The following TAFA2 variants were observed in gnomAD, a reference collection of about 807,000 sequenced individuals.
The protein encoded by TAFA2 is chemokine-like protein TAFA-2.
In TAFA2, 7 loss-of-function variants were observed where a neutral mutation model predicts 18.8. The ratio of observed to expected loss-of-function variants is 0.37; its 90% CI spans 0.21 to 0.70. The LOEUF is 0.70. Ranked by LOEUF, TAFA2 falls within the 30% of genes least tolerant of loss-of-function variation. TAFA2 has a pLI of 0.53. For missense variants in TAFA2, 122 were observed against 158.1 expected, an observed-to-expected ratio of 0.77 and a Z score of 1.23; for synonymous variants, 60 against 54.2, an observed-to-expected ratio of 1.11 and a Z score of -0.47.
intron 1 of TAFA2, among the ~76,000 whole-genome samples, chr12:61,961,117 C>T (rs1278556878): frequency 6.6e-6 from 1 of 151,808 alleles, no homozygotes; most frequent in Non-Finnish European, 1.5e-5. Context: ...AAAGTAGGCA[C>T]ATCTTACATG....
At chr12:62,026,552 T>A (rs1881316785) in intron 1 of TAFA2, among the ~76,000 whole-genome samples, 1 of 152,130 alleles carries the variant, frequency 6.6e-6, no homozygotes, top group African/African-American at 2.4e-5. Flanking sequence ...TACACTTCCT[T>A]GTTTTTCTCA....
intron 1 of TAFA2, among the ~76,000 whole-genome samples, chr12:61,975,434 T>C (rs1207273573): frequency 6.6e-6 from 1 of 151,660 alleles, no homozygotes; most frequent in African/African-American, 2.4e-5. Context: ...GTCTGGCTTA[T>C]TTCACTTAGC....
intron 1 of TAFA2, among the ~76,000 whole-genome samples, chr12:61,942,137 C>T (rs1163084840): frequency 3.3e-5 from 5 of 149,550 alleles, no homozygotes; most frequent in South Asian, 2.1e-4. Flanking sequence ...TCAAGTGGGT[C>T]CCTGACCCCT....
chr12:61,823,888 G>A (rs1245896547), intron 2 of TAFA2, among the ~76,000 whole-genome samples: 2 of 152,080 alleles, frequency 1.3e-5, no homozygotes, highest in African/African-American at 4.8e-5. Context: ...GAGACTTTAG[G>A]TAAGCCCCTA....
At chr12:61,726,101 A>G (rs920644903) in intron 4 of TAFA2, among the ~76,000 whole-genome samples, 1 of 151,484 alleles carries the variant, frequency 6.6e-6, no homozygotes, top group Non-Finnish European at 1.5e-5. Flanking sequence ...TTTTCTTTAC[A>G]TTGTTCTAAA....
chr12:62,183,634 T>C (rs1049324051), intron 1 of TAFA2, among the ~76,000 whole-genome samples: 5 of 152,146 alleles, frequency 3.3e-5, no homozygotes, highest in Admixed American at 2.0e-4. Context: ...ATCCACCTAC[T>C]TCGGCCTCCC....
At chr12:61,768,624 G>C (rs778727259) in intron 2 of TAFA2, among the ~76,000 whole-genome samples, 12 of 152,114 alleles carry the variant, frequency 7.9e-5, no homozygotes, top group Non-Finnish European at 1.5e-4. Context: ...TGAATTTAGA[G>C]AGCAAAGTGA....
At chr12:61,967,477 T>A (rs1025910323) in intron 1 of TAFA2, among the ~76,000 whole-genome samples, 4 of 151,890 alleles carry the variant, frequency 2.6e-5, no homozygotes, top group African/African-American at 9.7e-5. Flanking sequence ...AAGAACATGC[T>A]ACACTCCCAT....
intron 1 of TAFA2, among the ~76,000 whole-genome samples, chr12:61,937,874 A>G (rs1373568837): frequency 6.6e-6 from 1 of 152,150 alleles, no homozygotes; most frequent in Non-Finnish European, 1.5e-5. Flanking sequence ...AACCCACAAA[A>G]TGGGAAAGAA....
intron 1 of TAFA2, among the ~76,000 whole-genome samples, chr12:62,201,798 A>T (rs2062672130): frequency 6.6e-6 from 1 of 152,212 alleles, no homozygotes; most frequent in Non-Finnish European, 1.5e-5. Context: ...TGTCTGGAAT[A>T]GTTTCAGAAG....
At chr12:61,775,951 A>G (rs1870242970) in intron 2 of TAFA2, 1 of 229,190 alleles carries the variant, frequency 4.4e-6, no homozygotes, top group Non-Finnish European at 9.0e-6. Context: ...AAGAGGAGAG[A>G]CACCTGATGT....
Position 61,870,061 on chromosome 12 carries a change from T to C in TAFA2, c.-1-2635A>G, listed in dbSNP as rs1308734856. 4.6e-5 allele frequency among the ~76,000 whole-genome samples: 7 copies of C among 152,212 alleles called. No individual in the cohort carries two copies. In the South Asian group the frequency reaches 1.0e-3, roughly 23 times the overall value. ...ACTGACAGATGGTCAAACTGATAAC[T>C]AGACATATGGAAACAGAAGCACCCA... On this transcript the variant is annotated intron_variant, in intron 1 of 4. Transcript: ENST00000416284.
chr12:62,065,757 A>C (rs1313316252), intron 1 of TAFA2, among the ~76,000 whole-genome samples: 1 of 150,794 alleles, frequency 6.6e-6, no homozygotes, highest in Non-Finnish European at 1.5e-5. Flanking sequence ...GGTAGAACTA[A>C]AACTGAGTTC....
chr12:61,820,333 T>C (rs1054836096), intron 2 of TAFA2, among the ~76,000 whole-genome samples: 9 of 152,144 alleles, frequency 5.9e-5, no homozygotes, highest in African/African-American at 1.9e-4. Context: ...TCTCAACATA[T>C]CCAAAATAAT....
intron 1 of TAFA2, among the ~76,000 whole-genome samples, chr12:61,916,505 A>G (rs1002849257): frequency 6.6e-6 from 1 of 152,186 alleles, no homozygotes; most frequent in African/African-American, 2.4e-5. Context: ...TCCATCGTTA[A>G]TCTGACTGCC....
chr12:62,245,629 A>C (rs1015661157), intron 1 of TAFA2, among the ~76,000 whole-genome samples: 43 of 147,808 alleles, frequency 2.9e-4, no homozygotes, highest in Admixed American at 2.0e-4. Flanking sequence ...ATTATACATA[A>C]ATATATAAAA....
intron 1 of TAFA2, among the ~76,000 whole-genome samples, chr12:62,174,839 A>C (rs2062501484): frequency 6.6e-6 from 1 of 152,236 alleles, no homozygotes; most frequent in Admixed American, 6.5e-5. Context: ...TACCGTTTTC[A>C]AATATTTGAA....
At chr12:62,206,491 C>T (rs1244519848) in intron 1 of TAFA2, among the ~76,000 whole-genome samples, 3 of 152,006 alleles carry the variant, frequency 2.0e-5, no homozygotes, top group African/African-American at 7.2e-5. Context: ...ATCTATCAAC[C>T]TTATACTAAA....
At chr12:61,896,015 A>G (rs1170032324) in intron 1 of TAFA2, among the ~76,000 whole-genome samples, 2 of 151,996 alleles carry the variant, frequency 1.3e-5, no homozygotes, top group African/African-American at 2.4e-5. Flanking sequence ...TTAGTGAGAG[A>G]GAAGACAGAG....
Sources: gnomAD v4.1 joint callset for allele counts (sites outside exome capture counted in the v4.1 genomes callset) on GRCh38, gnomAD v4.1.1 for gene constraint, MANE v1.5 for transcripts, NCBI Gene and HGNC (gene_info 2026-07-23, HGNC 2026-07-21) for gene names.